The following CADPS2 variants were observed in gnomAD, a reference collection of about 807,000 sequenced individuals.
CADPS2 encodes the protein calcium dependent secretion activator 2, also known as calcium-dependent secretion activator 2.
Under a neutral mutation model 172.5 loss-of-function variants are expected in CADPS2, and 93 were observed. The observed-to-expected ratio is 0.54, with a 90% CI of 0.46 to 0.64. The LOEUF is 0.64. CADPS2 is among the 30% of genes least tolerant of loss of function. CADPS2 has a pLI of 0.00. For synonymous variants in CADPS2, 546 were observed against 555.2 expected (o/e 0.98, Z 0.23); for missense variants, 1,420 against 1,565.9 (o/e 0.91, Z 1.57).
At chr7:122,781,619 T>C (rs980257655) in intron 1 of CADPS2, among the ~76,000 whole-genome samples, 1 of 152,192 alleles carries the variant, frequency 6.6e-6, no homozygotes, top group African/African-American at 2.4e-5. Flanking sequence ...TAATGTATCC[T>C]TTCTTAATCT....
At chr7:122,472,725 T>C (rs377223661) in intron 13 of CADPS2, among the ~76,000 whole-genome samples, 22 of 152,298 alleles carry the variant, frequency 1.4e-4, no homozygotes, top group East Asian at 1.2e-3. Context: ...CATGAAAAGA[T>C]AGAATAGGAT....
At chr7:122,620,961 C>A (rs1420773836) in intron 5 of CADPS2, among the ~76,000 whole-genome samples, 2 of 152,136 alleles carry the variant, frequency 1.3e-5, no homozygotes, top group Admixed American at 1.3e-4. Context: ...GGCTGGAATG[C>A]AGTGTCATGA....
intron 6 of CADPS2, among the ~76,000 whole-genome samples, chr7:122,607,443 C>T (rs1033391813): frequency 1.3e-5 from 2 of 152,010 alleles, no homozygotes; most frequent in Non-Finnish European, 2.9e-5. Flanking sequence ...TTACATAAAC[C>T]AAATCAAGTA....
chr7:122,698,079 C>T (rs369852993), intron 2 of CADPS2: 25 of 1,613,840 alleles, frequency 1.5e-5, no homozygotes, highest in Non-Finnish European at 2.0e-5. Context: ...CAATGCAATT[C>T]TTGTGGAAAA....
At chr7:122,782,719 G>A (rs568290595) in intron 1 of CADPS2, among the ~76,000 whole-genome samples, 1 of 152,280 alleles carries the variant, frequency 6.6e-6, no homozygotes, top group East Asian at 1.9e-4. Flanking sequence ...TACTAAGAAA[G>A]TATTTGGTCA....
At chr7:122,691,844 C>A (rs1388991806) in intron 2 of CADPS2, among the ~76,000 whole-genome samples, 1 of 152,180 alleles carries the variant, frequency 6.6e-6, no homozygotes, top group Non-Finnish European at 1.5e-5. Flanking sequence ...AGAATGTCTC[C>A]AGGCATGGGA....
At position 122,493,559 on chromosome 7, in the gene CADPS2, T is replaced by C. The variant is rs572897095; in HGVS notation, c.1543-2139A>G. Reference sequence around the variant, plus strand: ...CTGATTAGATAAGCAAAAATGAAAATGGTTACTAGTACACAGTGTGGGTGA... The same window carrying C: ...CTGATTAGATAAGCAAAAATGAAAACGGTTACTAGTACACAGTGTGGGTGA... On this transcript the variant is annotated intron_variant, in intron 9 of 29. Coordinates refer to ENST00000449022, the MANE Select transcript of CADPS2 (RefSeq NM_017954.11). Among the ~76,000 whole-genome samples, 3 of 152,138 alleles carry C rather than the reference T, an allele frequency of 2.0e-5. No homozygotes were observed. In the South Asian group the frequency reaches 6.2e-4, roughly 32 times the overall value.
chr7:122,865,892 T>C (rs1394827382), intron 1 of CADPS2, among the ~76,000 whole-genome samples: 1 of 152,220 alleles, frequency 6.6e-6, no homozygotes, highest in Non-Finnish European at 1.5e-5. Context: ...GTGAGTGAGC[T>C]AAATCTTCCC....
At chr7:122,821,371 T>G (rs1803232490) in intron 1 of CADPS2, among the ~76,000 whole-genome samples, 1 of 152,166 alleles carries the variant, frequency 6.6e-6, no homozygotes, top group Admixed American at 6.5e-5. Context: ...AAATAACTTC[T>G]CAGTGTTCCA....
chr7:122,448,121 G>GT (rs201670657), intron 15 of CADPS2, among the ~76,000 whole-genome samples: 3,016 of 152,204 alleles, frequency 0.02, 39 homozygotes, highest in South Asian at 0.04. Flanking sequence ...TTAAAGTTTT[G>GT]TTCACTGTCT....
intron 1 of CADPS2, among the ~76,000 whole-genome samples, chr7:122,789,988 T>C (rs1752076636): frequency 6.7e-6 from 1 of 149,676 alleles, no homozygotes; most frequent in African/African-American, 2.4e-5. Context: ...CATAAGAAAT[T>C]CTACATGTTC....
intron 14 of CADPS2, among the ~76,000 whole-genome samples, chr7:122,456,099 C>A (rs2053739118): frequency 6.6e-6 from 1 of 152,084 alleles, no homozygotes; most frequent in South Asian, 2.1e-4. Flanking sequence ...GTAAAAAGAT[C>A]TCTAAAGTTA....
At chr7:122,834,794 G>C (rs911848241) in intron 1 of CADPS2, among the ~76,000 whole-genome samples, 20 of 152,168 alleles carry the variant, frequency 1.3e-4, no homozygotes, top group Admixed American at 2.6e-4. Flanking sequence ...CTGGAAGCTC[G>C]AACTGGGTGG....
At chr7:122,851,532 T>C (rs1813629432) in intron 1 of CADPS2, among the ~76,000 whole-genome samples, 1 of 152,282 alleles carries the variant, frequency 6.6e-6, no homozygotes, top group East Asian at 1.9e-4. Context: ...TTAATGAACC[T>C]GTATTAGTCT....
rs142456914 is a variant in CADPS2 at position 122,610,182 on chromosome 7, A to G, written c.1223+4999T>C. Among the ~76,000 whole-genome samples, 306 of 152,082 alleles carry G rather than the reference A, an allele frequency of 2.0e-3. 2 individuals are homozygous for G. Among genetic ancestry groups the G allele is most frequent in the African/African-American group, 7.0e-3 (290 of 41,534 alleles). On this transcript the variant is annotated intron_variant, in intron 6 of 29. Coordinates refer to ENST00000449022, the MANE Select transcript of CADPS2 (RefSeq NM_017954.11). ...AAAAAAAGAGCACTGGGGGCTTATT[A>G]TAATACTTCCTCTCAGGTTTCAAAG...
chr7:122,756,085 A>G (rs2138565029), intron 1 of CADPS2, among the ~76,000 whole-genome samples: 1 of 152,356 alleles, frequency 6.6e-6, no homozygotes, highest in Admixed American at 6.5e-5. Context: ...TTTATGAGCC[A>G]AATGTTGAAG....
chr7:122,708,437 T>C (rs544801656), intron 2 of CADPS2, among the ~76,000 whole-genome samples: 106 of 123,578 alleles, frequency 8.6e-4, no homozygotes, highest in African/African-American at 2.9e-3. Flanking sequence ...ACACAATATG[T>C]GTGTGTATAT....
intron 3 of CADPS2, among the ~76,000 whole-genome samples, chr7:122,629,937 AT>A (rs996307599): frequency 1.3e-5 from 2 of 151,900 alleles, no homozygotes; most frequent in Admixed American, 6.6e-5. Context: ...TGCTCTCATC[AT>A]TTTTTTTAGA....
At chr7:122,850,308 TCTC>T (rs1813206486) in intron 1 of CADPS2, 2 of 522,532 alleles carry the variant, frequency 3.8e-6, no homozygotes, top group Non-Finnish European at 6.5e-6. Context: ...GATGAAGACT[TCTC>T]CTCCAATGCA....
Sources: gnomAD v4.1 joint callset for allele counts (sites outside exome capture counted in the v4.1 genomes callset) on GRCh38, gnomAD v4.1.1 for gene constraint, MANE v1.5 for transcripts, NCBI Gene and HGNC (gene_info 2026-07-23, HGNC 2026-07-21) for gene names.